OR2B11: variants seen among roughly 807,000 people sequenced by gnomAD.
The protein encoded by OR2B11 is olfactory receptor family 2 subfamily B member 11.
For missense variants in OR2B11, 422 were observed against 400.0 expected, an observed-to-expected ratio of 1.05 and a Z score of -0.47; for synonymous variants, 198 against 174.5, an observed-to-expected ratio of 1.13 and a Z score of -1.06.
rs1257772561 is a variant in OR2B11 at position 247,451,693 on chromosome 1, C to A, written c.290G>T (p.Ser97Ile). The A allele has an allele frequency of 1.9e-6, 3 of 1,614,186 alleles. No homozygotes were observed. The highest frequency in any genetic ancestry group is 2.5e-6 in the Non-Finnish European group (3 of 1,180,010). ...ATATTGCACAGTGCAGCCTCCATAG[C>A]TGATGGTCTTCTGGGAACTGCCCAT... ...VNMGSSQKTI[S>I]YGGCTVQYAV... The change falls in exon 2 of 2, where the codon AGC becomes ATC. Residue 97 changes from serine (S) to isoleucine (I), a missense_variant. Coordinates refer to ENST00000641149, the MANE Select transcript of OR2B11 (RefSeq NM_001004492.2).
Position 247,451,665 on chromosome 1 carries a change from T to G in OR2B11, c.318A>C (p.Ala106=). ...ISYGGCTVQY[A]VFHWLGCTEC... Reference sequence around the variant, plus strand: ...CCGTGCATCCCAGCCAGTGGAAGACTGCATATTGCACAGTGCAGCCTCCAT... The same window carrying G: ...CCGTGCATCCCAGCCAGTGGAAGACGGCATATTGCACAGTGCAGCCTCCAT... The change falls in exon 2 of 2, where the codon GCA becomes GCC. Residue 106 remains alanine (A), a synonymous_variant. Coordinates refer to ENST00000641149, the MANE Select transcript of OR2B11 (RefSeq NM_001004492.2). The G allele has an allele frequency of 1.2e-6, 2 of 1,614,164 alleles. No homozygotes were observed. Among genetic ancestry groups the G allele is most frequent in the South Asian group, 1.1e-5 (1 of 91,084 alleles).
rs1270978693 is a variant in OR2B11 at position 247,451,079 on chromosome 1, T to A, written c.904A>T (p.Lys302Ter). The change falls in exon 2 of 2, where the codon AAG becomes TAG. Residue 302 changes from lysine (K) to a stop codon, truncating the protein, a stop_gained. Coordinates refer to ENST00000641149, the MANE Select transcript of OR2B11 (RefSeq NM_001004492.2). LOFTEE classifies it low-confidence loss of function (END_TRUNC). The stretch of plus-strand genomic sequence containing the variant: ...GCCAGAAGTCTCCTCAGAGCCCCCT[T>A]CATATCTTTATTTCTCAGGGTGTAG... ...FTYTLRNKDM[K>*]GALRRLLARI... 1 of 1,510,948 alleles carries A rather than the reference T, an allele frequency of 6.6e-7. No individual in the cohort carries two copies. The highest frequency in any genetic ancestry group is 1.4e-5 in the African/African-American group (1 of 71,536). 93.6% of individuals were successfully genotyped at this position (1,510,948 alleles called of 1,614,324 possible). A position where few individuals can be genotyped will look rare whatever the true frequency, so the allele number is the denominator to read the frequency against.
In OR2B11 at chr1:247,452,901, C is replaced by T. The variant is rs1471665185; in HGVS notation, c.-919G>A. On this transcript the variant is annotated 5_prime_UTR_variant, in exon 2 of 2. Transcript: ENST00000641149. ...CCAATTTCCTGCACAATTTCTTTGC[C>T]GAGCAGCTGTCACCTCTCAGTGATA... 1 of 152,100 alleles carries T rather than the reference C, an allele frequency of 6.6e-6. No homozygotes were observed. Among genetic ancestry groups the T allele is most frequent in the Non-Finnish European group, 1.5e-5 (1 of 68,018 alleles). 9.4% of individuals were successfully genotyped at this position (152,100 alleles called of 1,614,324 possible). A position where few individuals can be genotyped will look rare whatever the true frequency, so the allele number is the denominator to read the frequency against.
In OR2B11 at chr1:247,455,332, G is replaced by C. The variant is rs140638740; in HGVS notation, c.-3082-268C>G. 4.0e-3 allele frequency among the ~76,000 whole-genome samples: 612 copies of C among 152,264 alleles called. 3 individuals carry two copies. The highest frequency in any genetic ancestry group is 0.014 in the African/African-American group (563 of 41,544). On this transcript the variant is annotated intron_variant, in intron 1 of 1. Coordinates refer to ENST00000641149, the MANE Select transcript of OR2B11 (RefSeq NM_001004492.2). ...GTCTCTTTCTTCAGTCTAGAATGCA[G>C]CCTCCCATCCCACAACCGGGATAGC...
Position 247,451,278 on chromosome 1 carries a change from G to C in OR2B11, c.705C>G (p.Ser235=), listed in dbSNP as rs764029001. The change falls in exon 2 of 2, where the codon TCC becomes TCG. Residue 235 remains serine, a synonymous_variant. Transcript: ENST00000641149. ...IARAVLRIQS[S]KGRHKAFGTC... is the part of the protein sequence containing the mutation. ...TCCCAAAGGCCTTGTGTCGTCCCTT[G>C]GAGGACTGGATCCTGAGCACTGCCC... 2.5e-6 allele frequency: 4 copies of C among 1,613,918 alleles called. No homozygotes were observed. Among genetic ancestry groups the C allele is most frequent in the South Asian group, 2.2e-5 (2 of 91,074 alleles).
rs754520645 is a variant in OR2B11 at position 247,451,800 on chromosome 1, G to T, written c.183C>A (p.Ser61Arg). 7 of 1,614,222 alleles carry T rather than the reference G, an allele frequency of 4.3e-6. No individual in the cohort carries two copies. The highest frequency in any genetic ancestry group is 5.9e-6 in the Non-Finnish European group (7 of 1,180,050). ...LASRVDPQLH[S>R]PMYIFLSHLS... ...GGTGACTGAGGAAGATGTACATGGG[G>T]CTGTGGAGTTGAGGATCCACCCGGG... Residue 61 changes from serine to arginine, a missense_variant, in exon 2 of 2, where the codon AGC (serine) becomes AGA (arginine). Transcript: ENST00000641149.
At position 247,452,074 on chromosome 1, in the gene OR2B11, A is replaced by G. The variant is rs1664862028; in HGVS notation, c.-92T>C. On this transcript the variant is annotated 5_prime_UTR_variant, in exon 2 of 2. It removes an upstream start codon present in the reference 5' UTR. Coordinates refer to ENST00000641149, the MANE Select transcript of OR2B11 (RefSeq NM_001004492.2). The stretch of plus-strand genomic sequence containing the variant: ...AATTGATCACTTTCCTCCCTCTTGC[A>G]TCCACTCTTCCTTTCCCAGGTGATA... 2 of 759,588 alleles carry G rather than the reference A, an allele frequency of 2.6e-6. No individual in the cohort carries two copies. Among genetic ancestry groups the G allele is most frequent in the Admixed American group, 4.4e-5 (2 of 45,000 alleles). The allele number at this position is 759,588 out of a possible 1,614,324, so 47.1% of individuals were successfully genotyped here.
Position 247,449,234 on chromosome 1 carries a change from C to G in OR2B11, c.*1795G>C, listed in dbSNP as rs1664783598. On this transcript the variant is annotated 3_prime_UTR_variant, in exon 2 of 2. Transcript: ENST00000641149. ...AGATAATTTTTAAAACGTTACCTCA[C>G]TCTAACTGTAATGAGTGGAATTTCA... 1 of 152,296 alleles carries G rather than the reference C, an allele frequency of 6.6e-6. No individual in the cohort carries two copies. Among genetic ancestry groups the G allele is most frequent in the Non-Finnish European group, 1.5e-5 (1 of 68,062 alleles). The allele number at this position is 152,296 out of a possible 1,614,324, so 9.4% of individuals were successfully genotyped here. A position where few individuals can be genotyped will look rare whatever the true frequency, so the allele number is the denominator to read the frequency against.
rs540137681 is a variant in OR2B11 at position 247,451,918 on chromosome 1, G to A, written c.65C>T (p.Ser22Phe). The A allele has an allele frequency of 3.3e-5, 53 of 1,613,796 alleles. No individual in the cohort carries two copies. The South Asian group carries it at 5.5e-4, about 17-fold the overall frequency. The change falls in exon 2 of 2, where the codon TCT (serine) becomes TTT (phenylalanine). Residue 22 changes from serine to phenylalanine, a missense_variant. Coordinates refer to ENST00000641149, the MANE Select transcript of OR2B11 (RefSeq NM_001004492.2). Reference protein sequence around the residue: ...SPKAFILLGVSDRPWLELPLF... With the variant: ...SPKAFILLGVFDRPWLELPLF... ...AGGGAGTTCCAGCCACGGCCTGTCA[G>A]ACACACCCAGAAGGATGAAGGCTTT...
rs550097079 is a variant in OR2B11 at position 247,453,241 on chromosome 1, A to G, written c.-1259T>C. On this transcript the variant is annotated 5_prime_UTR_variant, in exon 2 of 2. The change abolishes an upstream ATG in the 5' untranslated region. Coordinates refer to ENST00000641149, the MANE Select transcript of OR2B11 (RefSeq NM_001004492.2). Reference sequence around the variant, plus strand: ...ACTAACGGAGATCTGCTCAGCTTACATGTTGCAACAGGTGTTCCCTGCTGC... The same window carrying G: ...ACTAACGGAGATCTGCTCAGCTTACGTGTTGCAACAGGTGTTCCCTGCTGC... 7.9e-5 allele frequency: 12 copies of G among 152,342 alleles called. No individual in the cohort carries two copies. Among genetic ancestry groups the G allele is most frequent in the Non-Finnish European group, 1.5e-4 (10 of 68,036 alleles). 9.4% of individuals were successfully genotyped at this position (152,342 alleles called of 1,614,324 possible). A position where few individuals can be genotyped will look rare whatever the true frequency, so the allele number is the denominator to read the frequency against.
At chr1:247,457,003 C>T (rs994237806) in intron 1 of OR2B11, among the ~76,000 whole-genome samples, 2 of 151,594 alleles carry the variant, frequency 1.3e-5, no homozygotes, top group African/African-American at 4.9e-5. Context: ...GTCAGTTATT[C>T]CTTCTAGTGC....
chr1:247,456,783 C>T (rs1002903629), intron 1 of OR2B11, among the ~76,000 whole-genome samples: 4 of 151,962 alleles, frequency 2.6e-5, no homozygotes, highest in East Asian at 1.9e-4. Flanking sequence ...TGATGGGCCC[C>T]GGTGTGTGAT....
chr1:247,451,015 A>C lies in OR2B11; in HGVS notation c.*14T>G. On this transcript the variant is annotated 3_prime_UTR_variant, in exon 2 of 2. Transcript: ENST00000641149. ...GTTCTTTAATTGATGGAGATGCTAC[A>C]TCTCATGTCCTCATCATCCACAGAG... 1 of 1,401,410 alleles carries C rather than the reference A, an allele frequency of 7.1e-7. No homozygotes were observed. The allele number at this position is 1,401,410 out of a possible 1,614,324, so 86.8% of individuals were successfully genotyped here. A position where few individuals can be genotyped will look rare whatever the true frequency, so the allele number is the denominator to read the frequency against.
At chr1:247,455,707 C>T (rs562075264) in intron 1 of OR2B11, among the ~76,000 whole-genome samples, 52 of 152,264 alleles carry the variant, frequency 3.4e-4, no homozygotes, top group African/African-American at 1.2e-3. Context: ...AGTTAGTGTC[C>T]CTGTGCATGC....
rs746052771 is a variant in OR2B11, at chr1:247,451,419, C to G, written c.564G>C (p.Val188=). The change falls in exon 2 of 2, where the codon GTG becomes GTC. Residue 188 remains valine, a synonymous_variant. Coordinates refer to ENST00000641149, the MANE Select transcript of OR2B11 (RefSeq NM_001004492.2). ...CGGTGTCAGCACACGACAGCTTGAT[C>G]ACGGCCGGCACCTCACAGAAAAAGT... The part of the protein sequence containing the change: ...LNNFFCEVPA[V]IKLSCADTAV... The G allele has an allele frequency of 1.2e-6, 2 of 1,614,130 alleles. No homozygotes were observed. Among genetic ancestry groups the G allele is most frequent in the Non-Finnish European group, 1.7e-6 (2 of 1,179,996 alleles).
chr1:247,451,099 G>A lies in OR2B11; in HGVS notation c.884C>T (p.Thr295Ile). The change falls in exon 2 of 2, where the codon ACC (threonine) becomes ATC (isoleucine). Residue 295 changes from threonine (T) to isoleucine (I), a missense_variant. Physicochemically the swap from Thr to Ile is moderately conservative, Grantham distance 89. Transcript: ENST00000641149. ...ITPTLNPFTY[T>I]LRNKDMKGAL... ...CCCCTTCATATCTTTATTTCTCAGG[G>A]TGTAGGTGAAGGGATTGAGAGTGGG... 2 of 1,515,752 alleles carry A rather than the reference G, an allele frequency of 1.3e-6. No individual in the cohort carries two copies. The highest frequency in any genetic ancestry group is 1.3e-5 in the South Asian group (1 of 74,396). 93.9% of individuals were successfully genotyped at this position (1,515,752 alleles called of 1,614,324 possible). A position where few individuals can be genotyped will look rare whatever the true frequency, so the allele number is the denominator to read the frequency against.
At position 247,451,962 on chromosome 1, in the gene OR2B11, G is replaced by C. The variant is rs757683800; in HGVS notation, c.21C>G (p.Ser7Arg). ...AGGCTTTAGGGGAGTCCCCTAAGAAGCTATGGTTGTCACTTTTCATGTTGC... is the reference window on the plus strand; with the variant it reads ...AGGCTTTAGGGGAGTCCCCTAAGAACCTATGGTTGTCACTTTTCATGTTGC... The part of the protein sequence containing the change: MKSDNH[S>R]FLGDSPKAFI... The change falls in exon 2 of 2, where the codon AGC becomes AGG. Residue 7 changes from serine (S) to arginine (R), a missense_variant. Coordinates refer to ENST00000641149, the MANE Select transcript of OR2B11 (RefSeq NM_001004492.2). 6.4e-7 allele frequency: 1 copy of C among 1,550,884 alleles called. No individual in the cohort carries two copies. Among genetic ancestry groups the C allele is most frequent in the Non-Finnish European group, 8.8e-7 (1 of 1,136,620 alleles).
intron 1 of OR2B11, among the ~76,000 whole-genome samples, chr1:247,455,910 A>G (rs1467570454): frequency 1.3e-5 from 2 of 152,340 alleles, no homozygotes; most frequent in East Asian, 3.9e-4. Flanking sequence ...TAGCTCCCAC[A>G]GTACAAAGGG....
Position 247,452,349 on chromosome 1 carries a change from G to C in OR2B11, c.-367C>G, listed in dbSNP as rs941694652. 4.5e-6 allele frequency: 1 copy of C among 223,434 alleles called. No homozygotes were observed. Among genetic ancestry groups the C allele is most frequent in the Non-Finnish European group, 9.0e-6 (1 of 111,620 alleles). 13.8% of individuals were successfully genotyped at this position (223,434 alleles called of 1,614,324 possible). ...CCTCACGAATGACAATTATGTTCCA[G>C]GTAGAGCGAAGCGTGCTGCAGCTCC... is the stretch of plus-strand genomic sequence containing the variant. On this transcript the variant is annotated 5_prime_UTR_variant, in exon 2 of 2. Transcript: ENST00000641149.
Sources: allele counts gnomAD v4.1 joint callset (sites outside exome capture counted in the v4.1 genomes callset), GRCh38; gene constraint gnomAD v4.1.1; transcripts MANE v1.5; gene names NCBI Gene and HGNC (gene_info 2026-07-23, HGNC 2026-07-21).